The following PFKFB3 variants were observed in gnomAD, a reference collection of about 807,000 sequenced individuals.
PFKFB3 encodes the protein 6-phosphofructo-2-kinase/fructose-2,6-bisphosphatase 3.
Under a neutral mutation model 68.0 loss-of-function variants are expected in PFKFB3, and 33 were observed. The observed-to-expected ratio is 0.49, with a 90% CI of 0.37 to 0.65. The LOEUF is 0.65. Ranked by LOEUF, PFKFB3 falls within the 30% of genes least tolerant of loss-of-function variation. The pLI is 0.00. For missense variants in PFKFB3, 586 were observed against 712.2 expected, an observed-to-expected ratio of 0.82 and a Z score of 2.02; for synonymous variants, 315 against 288.2, an observed-to-expected ratio of 1.09 and a Z score of -0.94.
At chr10:6,188,010 T>C (rs543929690) in intron 1 of PFKFB3, among the ~76,000 whole-genome samples, 1 of 151,406 alleles carries the variant, frequency 6.6e-6, no homozygotes, top group African/African-American at 2.4e-5. Flanking sequence ...TACATATATA[T>C]ATATATATAT....
At chr10:6,148,125 C>T (rs1841456272) in intron 1 of PFKFB3, among the ~76,000 whole-genome samples, 1 of 152,232 alleles carries the variant, frequency 6.6e-6, no homozygotes, top group African/African-American at 2.4e-5. Flanking sequence ...GGTGTCTCCT[C>T]CCTGGAGCCC....
the PFKFB3 span, among the ~76,000 whole-genome samples, chr10:6,309,209 C>A: frequency 6.6e-6 from 1 of 152,250 alleles, no homozygotes; most frequent in East Asian, 1.9e-4. Context: ...AAATTGCATA[C>A]CAACTGGGTT....
Position 6,204,638 on chromosome 10 carries a change from C to T in PFKFB3, c.76+1302C>T, listed in dbSNP as rs372582152. On this transcript the variant is annotated intron_variant, in intron 1 of 14. Transcript: ENST00000379775. The stretch of plus-strand genomic sequence containing the variant: ...CCCCTCTTTGTGAGGTAGCCCAGGA[C>T]TGGGGGATGTGGGTGTGTTGCCCAG... 3.3e-5 allele frequency among the ~76,000 whole-genome samples: 5 copies of T among 152,350 alleles called. No individual in the cohort carries two copies. In the East Asian group the frequency reaches 7.7e-4, roughly 24 times the overall value.
chr10:6,317,007 G>A, the PFKFB3 span, among the ~76,000 whole-genome samples: 1 of 152,096 alleles, frequency 6.6e-6, no homozygotes, highest in Non-Finnish European at 1.5e-5. Flanking sequence ...CAGACTGTAT[G>A]GAGAATCTAA....
chr10:6,146,279 C>T lies in PFKFB3; in HGVS notation c.16+1266C>T, dbSNP rs1239064320. 4 of 1,485,950 alleles carry T rather than the reference C, an allele frequency of 2.7e-6. No individual in the cohort carries two copies. The East Asian group carries it at 9.9e-5, about 37-fold the overall frequency. The allele number at this position is 1,485,950 out of a possible 1,614,324, so 92.0% of individuals were successfully genotyped here. A position where few individuals can be genotyped will look rare whatever the true frequency, so the allele number is the denominator to read the frequency against. On this transcript the variant is annotated intron_variant, in intron 1 of 14. Coordinates refer to the PFKFB3 transcript ENST00000379789. ...ATGCTACGGTTGCCTGGAGGCTGTA[C>T]CGGACTTGTTTTTCAAACAGAGGGT...
the PFKFB3 span, among the ~76,000 whole-genome samples, chr10:6,302,109 C>A: frequency 6.6e-6 from 1 of 150,522 alleles, no homozygotes; most frequent in Non-Finnish European, 1.5e-5. Flanking sequence ...GGCTGGAGTG[C>A]AGTGGCATGA....
intron 14 of PFKFB3, among the ~76,000 whole-genome samples, chr10:6,227,692 C>T (rs1713460177): frequency 1.3e-5 from 2 of 152,216 alleles, no homozygotes; most frequent in African/African-American, 4.8e-5. Flanking sequence ...GTGGTAGCTC[C>T]ACACTAACAT....
the PFKFB3 span, among the ~76,000 whole-genome samples, chr10:6,274,211 AAAATT>A: frequency 6.6e-6 from 1 of 152,032 alleles, no homozygotes; most frequent in African/African-American, 2.4e-5. Flanking sequence ...AAAAAAAAAA[AAAATT>A]AAAAAACTGT....
chr10:6,229,436 C>T lies in PFKFB3; in HGVS notation c.1515+3071C>T, dbSNP rs117769088. On this transcript the variant is annotated intron_variant, in intron 14 of 14. Transcript: ENST00000379775. The surrounding 1 kb of genome is among the most constrained non-coding windows in gnomAD (Gnocchi z 4.3). ...GGCTTCTGGGAGTGGGCTGGGTGCC[C>T]GTTCCCTGCTGCTGTCCTGAGGCCC... Among the ~76,000 whole-genome samples the T allele has an allele frequency of 6.8e-4, 104 of 152,322 alleles. No homozygotes were observed. Among genetic ancestry groups the T allele is most frequent in the Admixed American group, 1.2e-3 (19 of 15,304 alleles).
At chr10:6,175,944 G>T (rs1407276241) in intron 1 of PFKFB3, among the ~76,000 whole-genome samples, 1 of 152,238 alleles carries the variant, frequency 6.6e-6, no homozygotes, top group Non-Finnish European at 1.5e-5. Flanking sequence ...CCAGAGCCAA[G>T]CATCTGCACA....
chr10:6,178,063 C>T (rs1385767379), intron 1 of PFKFB3, among the ~76,000 whole-genome samples: 1 of 152,112 alleles, frequency 6.6e-6, no homozygotes, highest in Admixed American at 6.5e-5. Context: ...AGGAGGGAGC[C>T]AAGGCGTCCA....
At chr10:6,282,095 G>A in the PFKFB3 span, among the ~76,000 whole-genome samples, 4 of 151,936 alleles carry the variant, frequency 2.6e-5, no homozygotes, top group South Asian at 4.2e-4. Context: ...TCAGCCTCCC[G>A]TATAGCTGGG....
Position 6,215,284 on chromosome 10 carries a change from G to A in PFKFB3, c.266G>A (p.Arg89His), listed in dbSNP as rs1321726913. Residue 89 changes from arginine (R) to histidine (H), a missense_variant, in exon 3 of 15, where the codon CGC (arginine) becomes CAC (histidine). Physicochemically the swap from Arg to His is conservative, Grantham distance 29. Transcript: ENST00000379775. This position sits in a 1 kb window ranked among gnomAD's most constrained non-coding sequence, Gnocchi z 4.3. ...VKQYSSYNFFRPDNEEAMKVR... is the reference protein window; with the variant it reads ...VKQYSSYNFFHPDNEEAMKVR... ...CAGTACAGCTCCTACAACTTCTTCC[G>A]CCCCGACAATGAGGAAGCCATGAAA... is the stretch of plus-strand genomic sequence containing the variant. The A allele has an allele frequency of 1.1e-5, 17 of 1,613,860 alleles. No individual in the cohort carries two copies. Among genetic ancestry groups the A allele is most frequent in the Admixed American group, 5.0e-5 (3 of 59,996 alleles).
At chr10:6,310,009 G>A in the PFKFB3 span, among the ~76,000 whole-genome samples, 2 of 152,180 alleles carry the variant, frequency 1.3e-5, no homozygotes, top group Non-Finnish European at 2.9e-5. Context: ...ACGGGCATTA[G>A]CTGTTTTCGC....
the PFKFB3 span, among the ~76,000 whole-genome samples, chr10:6,307,185 C>T: frequency 6.6e-6 from 1 of 152,320 alleles, no homozygotes; most frequent in East Asian, 1.9e-4. Flanking sequence ...ACCTGAGCTG[C>T]AACATCAGCT....
chr10:6,222,843 C>T lies in PFKFB3; in HGVS notation c.1084-12C>T. On this transcript the variant is annotated splice_polypyrimidine_tract_variant and intron_variant, in intron 10 of 14. Transcript: ENST00000379775. Reference sequence around the variant, plus strand: ...GCCCTGAGCTCACGTGGGCCCGGCCCTCTGTGCTCAGTCCTACCAGGACCT... The same window carrying T: ...GCCCTGAGCTCACGTGGGCCCGGCCTTCTGTGCTCAGTCCTACCAGGACCT... 1 of 1,610,344 alleles carries T rather than the reference C, an allele frequency of 6.2e-7. No individual in the cohort carries two copies. The highest frequency in any genetic ancestry group is 8.5e-7 in the Non-Finnish European group (1 of 1,177,716).
upstream of PFKFB3, among the ~76,000 whole-genome samples, chr10:6,201,336 G>T (rs1418814336): frequency 6.6e-6 from 1 of 152,020 alleles, no homozygotes; most frequent in Non-Finnish European, 1.5e-5. The surrounding 1 kb of genome is among the most constrained non-coding windows in gnomAD (Gnocchi z 4.1). Flanking sequence ...AACGCATCGG[G>T]TTTCTGAACA....
chr10:6,274,187 G>A, the PFKFB3 span, among the ~76,000 whole-genome samples: 2 of 151,428 alleles, frequency 1.3e-5, no homozygotes, highest in Non-Finnish European at 2.9e-5. Context: ...GTGACAGAGC[G>A]AGATCCTATC....
intron 1 of PFKFB3, among the ~76,000 whole-genome samples, chr10:6,187,777 A>T (rs1048541647): frequency 6.6e-6 from 1 of 152,196 alleles, no homozygotes; most frequent in Non-Finnish European, 1.5e-5. Flanking sequence ...GTGCAGAATT[A>T]TTAGCATTTA....
Sources: gnomAD v4.1 joint callset for allele counts (sites outside exome capture counted in the v4.1 genomes callset) on GRCh38, gnomAD v4.1.1 for gene constraint, Gnocchi (gnomAD v3.1) non-coding constraint, MANE v1.5 for transcripts, NCBI Gene and HGNC (gene_info 2026-07-23, HGNC 2026-07-21) for gene names.